Variants in MGAT4C observed in about 807,000 individuals in gnomAD.
MGAT4C encodes the protein MGAT4 family member C, also known as alpha-1,3-mannosyl-glycoprotein 4-beta-N-acetylglucosaminyltransferase C.
A neutral mutation model predicts 40.1 loss-of-function variants in MGAT4C; 19 were observed. The observed-to-expected ratio is 0.47, with a 90% CI of 0.33 to 0.70. The LOEUF is 0.70. MGAT4C is among the 30% of genes least tolerant of loss of function. The pLI, the probability that MGAT4C is intolerant of heterozygous loss-of-function variation, is 0.02. For synonymous variants in MGAT4C, 181 were observed against 187.1 expected (o/e 0.97, Z 0.27); for missense variants, 491 against 563.2 (o/e 0.87, Z 1.30).
rs1033941680 is a variant in MGAT4C at position 86,547,627 on chromosome 12, G to A, written c.-228-112362C>T. Among the ~76,000 whole-genome samples, 6 of 151,974 alleles carry A rather than the reference G, an allele frequency of 3.9e-5. No homozygotes were observed. In the East Asian group the frequency reaches 1.2e-3, roughly 29 times the overall value. On this transcript the variant is annotated intron_variant, in intron 2 of 7. Coordinates refer to the MGAT4C transcript ENST00000548651. The stretch of plus-strand genomic sequence containing the variant: ...TGCTCAGAAAATTAAATAAATATTT[G>A]GTAAATTTTGTTTATTACTTGGAAG...
Position 86,751,105 on chromosome 12 carries a change from C to A in MGAT4C, c.-261-23864G>T, listed in dbSNP as rs773887223. 2.6e-5 allele frequency among the ~76,000 whole-genome samples: 4 copies of A among 152,022 alleles called. 1 individual carries two copies. The South Asian group carries it at 6.2e-4, about 24-fold the overall frequency. On this transcript the variant is annotated intron_variant, in intron 1 of 7. Transcript: ENST00000548651. ...TAGAACACCAGTGCCAGGAGAGGAA[C>A]CAATGGAGGGAATGGGTTCATCACT...
intron 1 of MGAT4C, 91 bp from the exon 2 acceptor site, chr12:86,049,814 C>T: frequency 1.2e-5 from 4 of 340,492 alleles, no homozygotes; most frequent in Non-Finnish European, 1.7e-5. Flanking sequence ...TAATAACTTG[C>T]CATTTTCCAT....
chr12:86,572,511 A>C (rs1050665793), intron 2 of MGAT4C, among the ~76,000 whole-genome samples: 2 of 152,042 alleles, frequency 1.3e-5, no homozygotes, highest in African/African-American at 4.8e-5. Flanking sequence ...ACTCTTTACT[A>C]TCATGTCTGC....
chr12:86,160,424 G>A (rs1332017613), intron 1 of MGAT4C, among the ~76,000 whole-genome samples: 9 of 151,948 alleles, frequency 5.9e-5, no homozygotes, highest in African/African-American at 9.7e-5. Flanking sequence ...TCATTGCACC[G>A]TGGTCTAAGA....
intron 1 of MGAT4C, among the ~76,000 whole-genome samples, chr12:86,836,942 A>G (rs1953049037): frequency 6.6e-6 from 1 of 152,054 alleles, no homozygotes; most frequent in Non-Finnish European, 1.5e-5. Context: ...CGGAAGAGTC[A>G]GTTGTAATTT....
At chr12:86,566,413 T>C (rs958797475) in intron 2 of MGAT4C, among the ~76,000 whole-genome samples, 5 of 150,704 alleles carry the variant, frequency 3.3e-5, no homozygotes, top group South Asian at 2.1e-4. Flanking sequence ...CCCTTGAACA[T>C]TGGACTCCAA....
chr12:86,598,714 A>C lies in MGAT4C; in HGVS notation c.-229+128495T>G, dbSNP rs567014270. Among the ~76,000 whole-genome samples, 11 of 152,190 alleles carry C rather than the reference A, an allele frequency of 7.2e-5. No homozygotes were observed. In the South Asian group the frequency reaches 2.3e-3, roughly 32 times the overall value. On this transcript the variant is annotated intron_variant, in intron 2 of 7. Coordinates refer to the MGAT4C transcript ENST00000548651. Reference sequence around the variant, plus strand: ...TACCCTAAAAGGTATTATTATAGTAATTTTTCTAAAATTTAAATCTACTTG... The same window carrying C: ...TACCCTAAAAGGTATTATTATAGTACTTTTTCTAAAATTTAAATCTACTTG...
intron 1 of MGAT4C, among the ~76,000 whole-genome samples, chr12:86,076,938 G>T (rs1431733923): frequency 6.6e-6 from 1 of 152,134 alleles, no homozygotes; most frequent in Non-Finnish European, 1.5e-5. Context: ...ATGTTCTAAG[G>T]CAGGAAGCAT....
intron 2 of MGAT4C, among the ~76,000 whole-genome samples, chr12:86,016,882 A>G (rs1404185431): frequency 6.6e-6 from 1 of 152,026 alleles, no homozygotes; most frequent in Non-Finnish European, 1.5e-5. Context: ...TTTAATATCC[A>G]TGGATTTGCT....
intron 3 of MGAT4C, among the ~76,000 whole-genome samples, chr12:86,427,143 G>C (rs549019173): frequency 6.6e-6 from 1 of 152,170 alleles, no homozygotes; most frequent in African/African-American, 2.4e-5. Flanking sequence ...TAAGCTTCTT[G>C]GAGGGAAAAG....
chr12:86,666,165 T>C (rs1165058095), intron 2 of MGAT4C, among the ~76,000 whole-genome samples: 3 of 152,190 alleles, frequency 2.0e-5, no homozygotes, highest in Non-Finnish European at 2.9e-5. Context: ...GTCCTCTATT[T>C]TTGCAGACAA....
intron 1 of MGAT4C, among the ~76,000 whole-genome samples, chr12:86,174,156 C>CACACAT (rs1305799995): frequency 6.7e-6 from 1 of 149,684 alleles, no homozygotes; most frequent in East Asian, 1.9e-4. Context: ...CACACACACA[C>CACACAT]ACAGAATAAA....
chr12:86,086,343 C>G lies in MGAT4C; in HGVS notation c.-56-36620G>C, dbSNP rs1361489201. Reference sequence around the variant, plus strand: ...TCATAAGGGAGTTGAACAGTGAGAACATATGGGCACAGGGAGAGGAACATC... The same window carrying G: ...TCATAAGGGAGTTGAACAGTGAGAAGATATGGGCACAGGGAGAGGAACATC... On this transcript the variant is annotated intron_variant, in intron 1 of 4. Transcript: ENST00000611864. 2.0e-5 allele frequency among the ~76,000 whole-genome samples: 3 copies of G among 152,022 alleles called. No homozygotes were observed. In the East Asian group the frequency reaches 5.8e-4, roughly 29 times the overall value.
At chr12:85,991,262 C>A (rs892994786) in intron 2 of MGAT4C, among the ~76,000 whole-genome samples, 4 of 152,312 alleles carry the variant, frequency 2.6e-5, no homozygotes, top group East Asian at 3.9e-4. Flanking sequence ...ATCATCTCTC[C>A]ATCCTCTCCT....
At chr12:86,277,174 A>G (rs1461589994) in intron 4 of MGAT4C, among the ~76,000 whole-genome samples, 1 of 152,090 alleles carries the variant, frequency 6.6e-6, no homozygotes, top group Non-Finnish European at 1.5e-5. Flanking sequence ...TGCCTTTCTC[A>G]ATGTTGAGCA....
chr12:86,239,448 G>T (rs936859048), intron 1 of MGAT4C, among the ~76,000 whole-genome samples: 1 of 151,916 alleles, frequency 6.6e-6, no homozygotes, highest in African/African-American at 2.4e-5. Flanking sequence ...ACGCATAAAT[G>T]TGTTTCAAAG....
intron 1 of MGAT4C, among the ~76,000 whole-genome samples, chr12:86,247,180 T>C (rs540001352): frequency 3.3e-5 from 5 of 152,348 alleles, no homozygotes; most frequent in South Asian, 2.1e-4. Context: ...TAATTAGTTA[T>C]AGGGTTACAC....
At chr12:86,081,480 T>C (rs1437049777) in intron 1 of MGAT4C, among the ~76,000 whole-genome samples, 1 of 152,184 alleles carries the variant, frequency 6.6e-6, no homozygotes, top group Non-Finnish European at 1.5e-5. Context: ...TTGTTGTTGT[T>C]CACAGAAATT....
intron 3 of MGAT4C, among the ~76,000 whole-genome samples, chr12:86,384,157 G>A (rs983128521): frequency 6.6e-5 from 10 of 152,244 alleles, no homozygotes; most frequent in African/African-American, 2.4e-4. Context: ...GGAACTGTAA[G>A]TCCATTTAAT....
Sources: gnomAD v4.1 joint callset for allele counts (sites outside exome capture counted in the v4.1 genomes callset) on GRCh38, gnomAD v4.1.1 for gene constraint, MANE v1.5 for transcripts, NCBI Gene and HGNC (gene_info 2026-07-23, HGNC 2026-07-21) for gene names.